KLRG1: variants seen among roughly 807,000 people sequenced by gnomAD.
KLRG1 encodes the protein killer cell lectin like receptor G1, also known as killer cell lectin-like receptor subfamily G member 1.
Under a neutral mutation model 21.8 loss-of-function variants are expected in KLRG1, and 16 were observed. That is an observed-to-expected ratio of 0.73 (90% CI 0.50 to 1.11). The LOEUF is 1.11. Among genes scored for constraint, KLRG1 ranks in the 50% most tolerant of loss-of-function variants. The probability of loss-of-function intolerance (pLI) is 0.00; values close to 1 mark genes in which losing one functional copy is unlikely to be tolerated. For missense variants in KLRG1, 173 were observed against 218.3 expected (o/e 0.79, Z 1.31); for synonymous variants, 69 against 75.9 (o/e 0.91, Z 0.47).
At chr12:9,030,499 C>T in the KLRG1 span, among the ~76,000 whole-genome samples, 21 of 152,122 alleles carry the variant, frequency 1.4e-4, no homozygotes, top group African/African-American at 4.8e-4. Flanking sequence ...CTCTACCTCC[C>T]GGATTCACAT....
intron 1 of KLRG1, among the ~76,000 whole-genome samples, chr12:8,980,900 C>T (rs1946744374): frequency 6.6e-6 from 1 of 152,192 alleles, no homozygotes; most frequent in African/African-American, 2.4e-5. Context: ...TCCTTTTCAC[C>T]TTGTGAGGAA....
the KLRG1 span, among the ~76,000 whole-genome samples, chr12:9,198,029 C>CAT: frequency 8.8e-6 from 1 of 113,632 alleles, no homozygotes; most frequent in Non-Finnish European, 1.8e-5. Context: ...ACAGTGCAGT[C>CAT]ATATATATAT....
the KLRG1 span, among the ~76,000 whole-genome samples, chr12:9,208,554 G>A: frequency 6.6e-6 from 1 of 152,178 alleles, no homozygotes; most frequent in South Asian, 2.1e-4. Flanking sequence ...ATTCTGATAG[G>A]TACTGAGGCA....
chr12:9,171,339 C>A, the KLRG1 span, among the ~76,000 whole-genome samples: 1 of 152,126 alleles, frequency 6.6e-6, no homozygotes, highest in Non-Finnish European at 1.5e-5. Context: ...AGACCTAACA[C>A]AAATCTAATT....
At chr12:9,203,699 T>A in the KLRG1 span, 1 of 1,557,492 alleles carries the variant, frequency 6.4e-7, no homozygotes, top group Non-Finnish European at 8.8e-7. Flanking sequence ...CAGAGCTCCA[T>A]CACCATGACC....
chr12:9,079,378 C>T, the KLRG1 span: 1 of 1,532,896 alleles, frequency 6.5e-7, no homozygotes, highest in Non-Finnish European at 9.0e-7. Flanking sequence ...AATGTGCATG[C>T]TGAGGGTGGA....
chr12:9,094,370 T>TATAC, the KLRG1 span, among the ~76,000 whole-genome samples: 1 of 144,850 alleles, frequency 6.9e-6, no homozygotes, highest in East Asian at 2.0e-4. Context: ...TATATATATA[T>TATAC]ATATACCTAT....
At chr12:9,150,609 T>G in the KLRG1 span, 1 of 1,387,126 alleles carries the variant, frequency 7.2e-7, no homozygotes, top group Non-Finnish European at 1.0e-6. Context: ...ATTTCTTGGC[T>G]CTGGTTAAGA....
chr12:8,998,020 G>T (rs1412180879), intron 3 of KLRG1, among the ~76,000 whole-genome samples: 1 of 152,038 alleles, frequency 6.6e-6, no homozygotes, highest in African/African-American at 2.4e-5. Context: ...CATTTTGTTG[G>T]TGAATGAATA....
chr12:9,090,388 G>C, the KLRG1 span: 1 of 1,614,010 alleles, frequency 6.2e-7, no homozygotes, highest in Non-Finnish European at 8.5e-7. Flanking sequence ...CCAGGACACA[G>C]TTTGCCGCCC....
At chr12:9,015,658 G>A (rs1203159520), downstream of KLRG1, among the ~76,000 whole-genome samples, 3 of 152,102 alleles carry the variant, frequency 2.0e-5, no homozygotes, top group Non-Finnish European at 4.4e-5. Context: ...AGACCAAGTG[G>A]ACCTAATAGA....
At chr12:9,135,086 A>AGCCACCACCAGGGTAGGCGAGATG in the KLRG1 span, 1 of 202,930 alleles carries the variant, frequency 4.9e-6, no homozygotes, top group African/African-American at 2.3e-5. Flanking sequence ...TCTACCCCAG[A>AGCCACCACCAGGGTAGGCGAGATG]GCCACCACCA....
At chr12:8,987,809 A>G (rs188243321), upstream of KLRG1, among the ~76,000 whole-genome samples, 1 of 152,318 alleles carries the variant, frequency 6.6e-6, no homozygotes, top group East Asian at 1.9e-4. Flanking sequence ...TTCAAGGTTC[A>G]TCAGTGTTAT....
the KLRG1 span, among the ~76,000 whole-genome samples, chr12:9,097,347 A>G: frequency 3.9e-5 from 6 of 152,182 alleles, no homozygotes. Flanking sequence ...TTATGGTAGT[A>G]GAAAAAGCTT....
chr12:9,125,469 A>G, the KLRG1 span, among the ~76,000 whole-genome samples: 1 of 152,220 alleles, frequency 6.6e-6, no homozygotes, highest in African/African-American at 2.4e-5. Flanking sequence ...TACAGAAAAT[A>G]CAATCAACTT....
At chr12:9,119,624 A>G in the KLRG1 span, among the ~76,000 whole-genome samples, 1 of 152,158 alleles carries the variant, frequency 6.6e-6, no homozygotes, top group Non-Finnish European at 1.5e-5. Context: ...AATAAACTTG[A>G]ATAAGTTTGA....
At chr12:8,982,971 T>C (rs1417678710) in intron 1 of KLRG1, among the ~76,000 whole-genome samples, 2 of 152,212 alleles carry the variant, frequency 1.3e-5, no homozygotes, top group Non-Finnish European at 2.9e-5. Context: ...TTTTTGGTTC[T>C]TGCTTTTTCT....
At chr12:9,152,210 A>T in the KLRG1 span, 2 of 1,567,746 alleles carry the variant, frequency 1.3e-6, no homozygotes, top group Non-Finnish European at 1.8e-6. Context: ...TAGGATTAAA[A>T]TACACCTACC....
the KLRG1 span, among the ~76,000 whole-genome samples, chr12:9,026,375 G>T: frequency 5.9e-5 from 9 of 152,328 alleles, no homozygotes; most frequent in Non-Finnish European, 8.8e-5. Flanking sequence ...AAACAAAAAT[G>T]TTAATAGATA....
Sources: gnomAD v4.1 joint callset for allele counts (sites outside exome capture counted in the v4.1 genomes callset) on GRCh38, gnomAD v4.1.1 for gene constraint, MANE v1.5 for transcripts, NCBI Gene and HGNC (gene_info 2026-07-23, HGNC 2026-07-21) for gene names.